PDGFD: variants seen among roughly 807,000 people sequenced by gnomAD.
PDGFD encodes the protein platelet-derived growth factor D.
PDGFD carries 30 observed loss-of-function variants against 44.7 expected under a neutral mutation model. The ratio of observed to expected loss-of-function variants is 0.67; its 90% CI spans 0.50 to 0.91. PDGFD has a LOEUF of 0.91. PDGFD is among the 40% of genes least tolerant of loss of function. The probability of loss-of-function intolerance (pLI) is 0.00; values close to 1 mark genes in which losing one functional copy is unlikely to be tolerated. For synonymous variants in PDGFD, 173 were observed against 168.4 expected (o/e 1.03, Z -0.21); for missense variants, 445 against 457.8 (o/e 0.97, Z 0.25).
intron 3 of PDGFD, among the ~76,000 whole-genome samples, chr11:103,952,382 C>A (rs918115137): frequency 2.6e-5 from 4 of 152,198 alleles, no homozygotes; most frequent in Admixed American, 1.3e-4. Flanking sequence ...TCTACTAGCT[C>A]CTAGAGGCTG....
At position 103,907,782 on chromosome 11, in the gene PDGFD, G is replaced by C. The variant is rs1160876272; in HGVS notation, c.*1912C>G. 2 of 152,206 alleles carry C rather than the reference G, an allele frequency of 1.3e-5. No individual in the cohort carries two copies. Among genetic ancestry groups the C allele is most frequent in the Non-Finnish European group, 2.9e-5 (2 of 68,036 alleles). The allele number at this position is 152,206 out of a possible 1,614,324, so 9.4% of individuals were successfully genotyped here. On this transcript the variant is annotated 3_prime_UTR_variant, in exon 7 of 7. Transcript: ENST00000393158. Reference sequence around the variant, plus strand: ...GTTTTCACAGGAAACTTGCAAAGCAGTTATGAAGAGGAAGAGCGTTCTTAA... The same window carrying C: ...GTTTTCACAGGAAACTTGCAAAGCACTTATGAAGAGGAAGAGCGTTCTTAA...
rs185264081 is a variant in PDGFD, at chr11:104,159,116, G to A, written c.124+4688C>T. Among the ~76,000 whole-genome samples, 74 of 136,914 alleles carry A rather than the reference G, an allele frequency of 5.4e-4. No homozygotes were observed. The Middle Eastern group carries it at 0.018, about 34-fold the overall frequency. 89.8% of individuals were successfully genotyped at this position (136,914 alleles called of 152,430 possible). A position where few individuals can be genotyped will look rare whatever the true frequency, so the allele number is the denominator to read the frequency against. ...TGCAGTGAGCCGAGATCATGCCACT[G>A]CACGCTAGCCTGGGTGACAAGAGGC... On this transcript the variant is annotated intron_variant, in intron 1 of 6. Transcript: ENST00000393158.
chr11:103,938,949 T>G (rs1858537185), intron 5 of PDGFD, among the ~76,000 whole-genome samples: 1 of 152,352 alleles, frequency 6.6e-6, no homozygotes, highest in South Asian at 2.1e-4. Context: ...GTTGTTTTGG[T>G]TACTGTAGCC....
chr11:103,999,288 C>A (rs1456785203), intron 2 of PDGFD, among the ~76,000 whole-genome samples: 1 of 151,590 alleles, frequency 6.6e-6, no homozygotes, highest in African/African-American at 2.4e-5. Context: ...CAATGCAGAA[C>A]AAGTGTGTGC....
At chr11:103,949,436 G>A (rs988849844) in intron 3 of PDGFD, among the ~76,000 whole-genome samples, 22 of 152,208 alleles carry the variant, frequency 1.4e-4, no homozygotes, top group African/African-American at 5.3e-4. Flanking sequence ...ATCAAATGAA[G>A]GCTGGCATTT....
At chr11:104,136,259 G>C (rs569234226) in intron 1 of PDGFD, among the ~76,000 whole-genome samples, 2 of 152,174 alleles carry the variant, frequency 1.3e-5, no homozygotes, top group Non-Finnish European at 2.9e-5. Flanking sequence ...GAATGCTCTA[G>C]CTACTGTCCT....
intron 6 of PDGFD, among the ~76,000 whole-genome samples, 196 bp from the exon 7 acceptor site, chr11:103,910,015 G>A (rs938322519): frequency 6.6e-5 from 10 of 152,136 alleles, no homozygotes; most frequent in Admixed American, 3.3e-4. Context: ...CTGAAGTGGA[G>A]GAATCAATTG....
chr11:104,092,741 C>T (rs138222569), intron 1 of PDGFD, among the ~76,000 whole-genome samples: 119 of 152,214 alleles, frequency 7.8e-4, no homozygotes, highest in African/African-American at 2.4e-3. Flanking sequence ...ATGATGTTGG[C>T]TTATCTGACA....
chr11:104,009,885 A>G (rs888014529), intron 1 of PDGFD, among the ~76,000 whole-genome samples: 2 of 152,062 alleles, frequency 1.3e-5, no homozygotes, highest in African/African-American at 2.4e-5. Flanking sequence ...CTTGCAATCA[A>G]TGAGCTGAAG....
rs142150089 is a variant in PDGFD, at chr11:103,926,922, T to C, written c.977A>G (p.Lys326Arg). 4 of 1,613,458 alleles carry C rather than the reference T, an allele frequency of 2.5e-6. No homozygotes were observed. The highest frequency in any genetic ancestry group is 1.3e-5 in the African/African-American group (1 of 74,926). Residue 326 changes from lysine to arginine, a missense_variant, in exon 6 of 7, where the codon AAG (lysine) becomes AGG (arginine). Physicochemically the swap from Lys to Arg is conservative, Grantham distance 26. Coordinates refer to ENST00000393158, the MANE Select transcript of PDGFD (RefSeq NM_025208.5). ...CTCNSGKTVKKYHEVLQFEPG... is the reference protein window; with the variant it reads ...CTCNSGKTVKRYHEVLQFEPG... Reference sequence around the variant, plus strand: ...CTAAGAATGACATACCTCATGATACTTTTTCACGGTTTTCCCTGAATTGCA... The same window carrying C: ...CTAAGAATGACATACCTCATGATACCTTTTCACGGTTTTCCCTGAATTGCA...
intron 1 of PDGFD, among the ~76,000 whole-genome samples, chr11:104,012,067 A>G (rs1043964139): frequency 1.7e-4 from 26 of 152,186 alleles, no homozygotes; most frequent in African/African-American, 5.8e-4. Flanking sequence ...TGATTCCCGC[A>G]TTATGATGAT....
At chr11:103,933,946 T>C (rs1181803527) in intron 5 of PDGFD, among the ~76,000 whole-genome samples, 1 of 152,138 alleles carries the variant, frequency 6.6e-6, no homozygotes, top group Non-Finnish European at 1.5e-5. Context: ...ATTCATGACC[T>C]GGGGTGATGT....
chr11:104,111,262 C>CTATT (rs1861552190), intron 1 of PDGFD, among the ~76,000 whole-genome samples: 3 of 119,646 alleles, frequency 2.5e-5, no homozygotes, highest in Non-Finnish European at 5.3e-5. Context: ...ATTATTAATT[C>CTATT]TTTTTTTTTT....
chr11:103,943,317 A>T, intron 5 of PDGFD, 135 bp downstream of exon 5: 2 of 818,660 alleles, frequency 2.4e-6, no homozygotes, highest in Non-Finnish European at 3.8e-6. Context: ...GTATAAATGT[A>T]AATGTTCCAA....
At chr11:103,914,286 G>A (rs1206617890) in intron 6 of PDGFD, among the ~76,000 whole-genome samples, 2 of 152,258 alleles carry the variant, frequency 1.3e-5, no homozygotes, top group East Asian at 1.9e-4. Flanking sequence ...CTGTATTCAC[G>A]ATAAACAGTT....
intron 1 of PDGFD, among the ~76,000 whole-genome samples, chr11:104,015,812 T>C (rs761153858): frequency 8.5e-5 from 13 of 152,226 alleles, no homozygotes; most frequent in Non-Finnish European, 1.2e-4. Flanking sequence ...ATTTTCCATT[T>C]CTATTTTCAT....
rs149740161 is a variant in PDGFD at position 104,036,150 on chromosome 11, G to A, written c.125-35895C>T. On this transcript the variant is annotated intron_variant, in intron 1 of 6. Transcript: ENST00000393158. ...AATGATAATATGCTGTTTAGAAAGT[G>A]TTGAAAAACTAGGCATGGTGGCTCA... Among the ~76,000 whole-genome samples, 32 of 152,244 alleles carry A rather than the reference G, an allele frequency of 2.1e-4. 1 individual carries two copies. In the East Asian group the frequency reaches 6.0e-3, roughly 29 times the overall value.
chr11:103,918,731 T>C (rs1399443535), intron 6 of PDGFD, among the ~76,000 whole-genome samples: 1 of 152,190 alleles, frequency 6.6e-6, no homozygotes, highest in African/African-American at 2.4e-5. Flanking sequence ...AAAGTGGAAA[T>C]TGGACTGCCT....
At chr11:104,123,603 A>G (rs991394786) in intron 1 of PDGFD, among the ~76,000 whole-genome samples, 4 of 152,208 alleles carry the variant, frequency 2.6e-5, no homozygotes, top group African/African-American at 9.6e-5. Context: ...AGTTTAGCCA[A>G]TTAAATATGT....
Sources: allele counts gnomAD v4.1 joint callset (sites outside exome capture counted in the v4.1 genomes callset), GRCh38; gene constraint gnomAD v4.1.1; transcripts MANE v1.5; gene names NCBI Gene and HGNC (gene_info 2026-07-23, HGNC 2026-07-21).